The following SRGAP1 variants were observed in gnomAD, a reference collection of about 807,000 sequenced individuals.
SRGAP1 encodes SLIT-ROBO Rho GTPase-activating protein 1.
Under a neutral mutation model 121.9 loss-of-function variants are expected in SRGAP1, and 43 were observed. The ratio of observed to expected loss-of-function variants is 0.35; its 90% confidence interval spans 0.28 to 0.46. SRGAP1 has a LOEUF of 0.46. Ranked by LOEUF, SRGAP1 falls within the 20% of genes least tolerant of loss-of-function variation. The pLI is 1.00. For missense variants in SRGAP1, 1,102 were observed against 1,350.9 expected, an observed-to-expected ratio of 0.82 and a Z score of 2.89; for synonymous variants, 447 against 485.4, an observed-to-expected ratio of 0.92 and a Z score of 1.04.
Position 63,844,800 on chromosome 12 carries a change from C to T in SRGAP1, c.-17C>T. 1 of 1,614,094 alleles carries T rather than the reference C, an allele frequency of 6.2e-7. No individual in the cohort carries two copies. The highest frequency in any genetic ancestry group is 8.5e-7 in the Non-Finnish European group (1 of 1,179,974). ...ACAAAACTTGCCCATTGAAAGCAAA[C>T]CCGGAACAGCTGGATAATGTCCACC... On this transcript the variant is annotated 5_prime_UTR_variant, in exon 1 of 22. Transcript: ENST00000355086. This position sits in a 1 kb window ranked among gnomAD's most constrained non-coding sequence, Gnocchi z 4.3.
intron 15 of SRGAP1, among the ~76,000 whole-genome samples, chr12:64,103,644 A>G (rs2036294315): frequency 6.6e-6 from 1 of 152,194 alleles, no homozygotes; most frequent in Non-Finnish European, 1.5e-5. Flanking sequence ...GATGCCTTAT[A>G]ATAATGTTCT....
chr12:63,971,065 A>G (rs900254095), intron 1 of SRGAP1, among the ~76,000 whole-genome samples: 7 of 152,140 alleles, frequency 4.6e-5, no homozygotes, highest in Non-Finnish European at 1.0e-4. Flanking sequence ...AGCTCTCTAG[A>G]CACTCTCAGC....
chr12:63,931,949 A>G (rs2031489947), intron 1 of SRGAP1, among the ~76,000 whole-genome samples: 1 of 152,210 alleles, frequency 6.6e-6, no homozygotes, highest in African/African-American at 2.4e-5. Context: ...GCCTAAAAAT[A>G]AGAGAAGGAC....
intron 3 of SRGAP1, among the ~76,000 whole-genome samples, chr12:64,016,651 C>G (rs933483827): frequency 1.3e-5 from 2 of 152,130 alleles, no homozygotes; most frequent in Non-Finnish European, 2.9e-5. Context: ...AGTTCTGCAA[C>G]TCAACTTTTA....
intron 4 of SRGAP1, among the ~76,000 whole-genome samples, chr12:64,030,476 T>A (rs537810971): frequency 6.6e-6 from 1 of 152,338 alleles, no homozygotes; most frequent in African/African-American, 2.4e-5. Flanking sequence ...ATAAAACAAT[T>A]TATCTTCTTT....
At position 64,099,098 on chromosome 12, in the gene SRGAP1, G is replaced by A. The variant is rs1257065694; in HGVS notation, c.1813+1723G>A. Among the ~76,000 whole-genome samples the A allele has an allele frequency of 3.3e-5, 5 of 152,344 alleles. No individual in the cohort carries two copies. The South Asian group carries it at 1.0e-3, about 32-fold the overall frequency. On this transcript the variant is annotated intron_variant, in intron 15 of 21. Transcript: ENST00000355086. ...AAAATGAGTTTAGGCAGTAGGTTAA[G>A]AATAGAGGCTCTGGATTCAAAGAGC... is the stretch of plus-strand genomic sequence containing the variant.
intron 1 of SRGAP1, among the ~76,000 whole-genome samples, chr12:63,921,502 C>T (rs768357070): frequency 2.0e-5 from 3 of 152,154 alleles, no homozygotes; most frequent in Non-Finnish European, 4.4e-5. Flanking sequence ...CCTTCCTGGG[C>T]GTTTGCACAG....
chr12:63,850,753 T>C (rs1466098810), intron 1 of SRGAP1, among the ~76,000 whole-genome samples: 4 of 152,094 alleles, frequency 2.6e-5, no homozygotes. Context: ...ATTTTATTCA[T>C]GCTACCTATT....
At chr12:64,111,535 C>G (rs1297786123) in intron 16 of SRGAP1, among the ~76,000 whole-genome samples, 1 of 152,046 alleles carries the variant, frequency 6.6e-6, no homozygotes, top group Non-Finnish European at 1.5e-5. Context: ...ATATTAAACC[C>G]CCTCCTGACT....
At chr12:64,016,787 G>C (rs2034413749) in intron 3 of SRGAP1, among the ~76,000 whole-genome samples, 163 bp from the exon 4 acceptor site, 1 of 152,166 alleles carries the variant, frequency 6.6e-6, no homozygotes, top group South Asian at 2.1e-4. Flanking sequence ...GGGACCATCT[G>C]TATACAATGT....
intron 1 of SRGAP1, among the ~76,000 whole-genome samples, chr12:63,940,736 C>G (rs2031835740): frequency 6.6e-6 from 1 of 152,156 alleles, no homozygotes; most frequent in African/African-American, 2.4e-5. Flanking sequence ...TTGTTTGTGC[C>G]TCCGTTTGTT....
intron 16 of SRGAP1, among the ~76,000 whole-genome samples, chr12:64,109,618 A>G (rs896093481): frequency 6.6e-6 from 1 of 152,158 alleles, no homozygotes; most frequent in African/African-American, 2.4e-5. Flanking sequence ...ATTTTCAGCT[A>G]TGCTACTTCC....
chr12:64,147,168 G>A lies in SRGAP1; in HGVS notation c.*4496G>A. On this transcript the variant is annotated 3_prime_UTR_variant, in exon 22 of 22. Transcript: ENST00000355086. Reference sequence around the variant, plus strand: ...TTTACCTACGTACTGAAGGGTAACTGCTGCCCGCGTAATTAAATCAGTATT... The same window carrying A: ...TTTACCTACGTACTGAAGGGTAACTACTGCCCGCGTAATTAAATCAGTATT... 4.1e-6 allele frequency: 1 copy of A among 242,692 alleles called. No homozygotes were observed. The highest frequency in any genetic ancestry group is 7.9e-6 in the Non-Finnish European group (1 of 127,136). 15.0% of individuals were successfully genotyped at this position (242,692 alleles called of 1,614,324 possible). A position where few individuals can be genotyped will look rare whatever the true frequency, so the allele number is the denominator to read the frequency against.
chr12:64,038,089 C>T (rs1265622426), intron 4 of SRGAP1, among the ~76,000 whole-genome samples: 1 of 152,154 alleles, frequency 6.6e-6, no homozygotes, highest in Non-Finnish European at 1.5e-5. Flanking sequence ...TGACCTTGGA[C>T]AAGTTACATA....
intron 1 of SRGAP1, among the ~76,000 whole-genome samples, chr12:63,981,621 T>A (rs2136405206): frequency 6.6e-6 from 1 of 152,344 alleles, no homozygotes; most frequent in Admixed American, 6.5e-5. Context: ...TTTGATTGAC[T>A]AAAAACCAGA....
intron 1 of SRGAP1, among the ~76,000 whole-genome samples, chr12:63,874,967 G>A (rs1899983113): frequency 1.3e-5 from 2 of 152,128 alleles, no homozygotes; most frequent in Non-Finnish European, 2.9e-5. Flanking sequence ...TCAGGCTAGA[G>A]TGCAGTTGCA....
At chr12:63,979,885 G>C (rs1429867275) in intron 1 of SRGAP1, among the ~76,000 whole-genome samples, 3 of 152,164 alleles carry the variant, frequency 2.0e-5, no homozygotes, top group Admixed American at 2.0e-4. Flanking sequence ...CAGAAATAAG[G>C]CTCACAGTTT....
At chr12:64,093,903 T>C (rs1487346295) in intron 12 of SRGAP1, among the ~76,000 whole-genome samples, 1 of 152,174 alleles carries the variant, frequency 6.6e-6, no homozygotes, top group Admixed American at 6.5e-5. Context: ...AACTGCATTA[T>C]TCTTAATCCT....
chr12:63,977,785 C>T (rs759035051), intron 1 of SRGAP1, among the ~76,000 whole-genome samples: 1 of 151,842 alleles, frequency 6.6e-6, no homozygotes, highest in Non-Finnish European at 1.5e-5. Flanking sequence ...TCTGGTAGAA[C>T]AGAAATGAAA....
Sources: allele counts gnomAD v4.1 joint callset (sites outside exome capture counted in the v4.1 genomes callset), GRCh38; gene constraint gnomAD v4.1.1; non-coding constraint Gnocchi (gnomAD v3.1); transcripts MANE v1.5; gene names NCBI Gene and HGNC (gene_info 2026-07-23, HGNC 2026-07-21).